Variants in ROBO2 observed in about 807,000 individuals in gnomAD.
The protein encoded by ROBO2 is roundabout homolog 2.
Under a neutral mutation model 160.8 loss-of-function variants are expected in ROBO2, and 53 were observed. The ratio of observed to expected loss-of-function variants is 0.33; its 90% CI spans 0.26 to 0.41. ROBO2 has a LOEUF of 0.41. ROBO2 is among the 10% of genes least tolerant of loss of function. The probability of loss-of-function intolerance (pLI) is 1.00; values close to 1 mark genes in which losing one functional copy is unlikely to be tolerated. For synonymous variants in ROBO2, 664 were observed against 611.7 expected (o/e 1.09, Z -1.26); for missense variants, 1,577 against 1,722.4 (o/e 0.92, Z 1.49).
intron 2 of ROBO2, among the ~76,000 whole-genome samples, chr3:76,855,822 T>C (rs910530556): frequency 1.3e-5 from 2 of 152,228 alleles, no homozygotes; most frequent in Non-Finnish European, 2.9e-5. Context: ...ATTGTAATTG[T>C]CGTATCAAAC....
At chr3:76,904,451 A>C (rs917864526) in intron 2 of ROBO2, among the ~76,000 whole-genome samples, 4 of 152,190 alleles carry the variant, frequency 2.6e-5, no homozygotes, top group African/African-American at 9.7e-5. Flanking sequence ...GAAGTATTTT[A>C]CTTTCATAAT....
rs1465511977 is a variant in ROBO2, at chr3:77,433,836, T to G, written c.389-43578T>G. Among the ~76,000 whole-genome samples, 4 of 152,148 alleles carry G rather than the reference T, an allele frequency of 2.6e-5. No homozygotes were observed. In the East Asian group the frequency reaches 7.8e-4, roughly 30 times the overall value. On this transcript the variant is annotated intron_variant, in intron 2 of 25. Transcript: ENST00000461745. Reference sequence around the variant, plus strand: ...TGAAACTTCTAAACCCAGTAATTCTTGTGTCAGTTTTGTCCCTTCCCTTTC... The same window carrying G: ...TGAAACTTCTAAACCCAGTAATTCTGGTGTCAGTTTTGTCCCTTCCCTTTC...
At chr3:76,562,506 A>G (rs1482742082) in intron 2 of ROBO2, among the ~76,000 whole-genome samples, 2 of 151,476 alleles carry the variant, frequency 1.3e-5, no homozygotes, top group East Asian at 3.9e-4. Flanking sequence ...TATCAAGATA[A>G]GCATAGTATA....
At chr3:76,823,136 T>C (rs1039985672) in intron 2 of ROBO2, among the ~76,000 whole-genome samples, 4 of 152,132 alleles carry the variant, frequency 2.6e-5, no homozygotes, top group Non-Finnish European at 5.9e-5. Flanking sequence ...GCTTAAATTT[T>C]CTCAGCTTTG....
At chr3:76,414,621 AG>A (rs1447038373) in intron 2 of ROBO2, among the ~76,000 whole-genome samples, 2 of 46,528 alleles carry the variant, frequency 4.3e-5, no homozygotes, top group Admixed American at 6.9e-4. Context: ...TGTGGTGGGG[AG>A]GGGGGAGGGG....
chr3:76,722,897 C>A (rs2093487445), intron 2 of ROBO2, among the ~76,000 whole-genome samples: 1 of 152,182 alleles, frequency 6.6e-6, no homozygotes, highest in Admixed American at 6.5e-5. Context: ...AATAAAGCTG[C>A]TATGAACATT....
At chr3:77,397,450 C>A (rs2075385502) in intron 2 of ROBO2, among the ~76,000 whole-genome samples, 1 of 152,142 alleles carries the variant, frequency 6.6e-6, no homozygotes, top group Non-Finnish European at 1.5e-5. Flanking sequence ...CCCATCATAA[C>A]ATGTGCTCTT....
chr3:76,050,706 A>G (rs1039890828), intron 2 of ROBO2, among the ~76,000 whole-genome samples: 2 of 152,096 alleles, frequency 1.3e-5, no homozygotes, highest in Admixed American at 6.6e-5. Context: ...TTCTCTCTCC[A>G]TACCTGATGG....
At chr3:77,599,266 T>C (rs1325218847) in intron 19 of ROBO2, among the ~76,000 whole-genome samples, 3 of 152,042 alleles carry the variant, frequency 2.0e-5, no homozygotes, top group African/African-American at 7.2e-5. Flanking sequence ...ATTTTAAGGA[T>C]CAAGAAACTA....
chr3:77,612,526 T>C (rs2094668364), intron 21 of ROBO2, among the ~76,000 whole-genome samples: 1 of 152,200 alleles, frequency 6.6e-6, no homozygotes, highest in African/African-American at 2.4e-5. Flanking sequence ...ATTTTTCCTC[T>C]TTTGGTACAT....
intron 1 of ROBO2, among the ~76,000 whole-genome samples, chr3:77,045,721 C>A (rs1170428052): frequency 6.6e-6 from 1 of 152,190 alleles, no homozygotes; most frequent in East Asian, 1.9e-4. Flanking sequence ...TACAATCTAA[C>A]TTTAAAATGT....
chr3:76,310,562 G>C (rs1431408541), intron 2 of ROBO2, among the ~76,000 whole-genome samples: 1 of 152,140 alleles, frequency 6.6e-6, no homozygotes, highest in Admixed American at 6.5e-5. Flanking sequence ...ACCCATTTAT[G>C]AATCATTAGT....
intron 2 of ROBO2, among the ~76,000 whole-genome samples, chr3:76,551,163 C>T (rs1341253143): frequency 6.6e-6 from 1 of 151,946 alleles, no homozygotes; most frequent in East Asian, 1.9e-4. Flanking sequence ...CCTTCTGAGC[C>T]CATGAAAACC....
At chr3:77,562,317 C>T (rs1402387826) in intron 9 of ROBO2, among the ~76,000 whole-genome samples, 2 of 151,742 alleles carry the variant, frequency 1.3e-5, no homozygotes, top group African/African-American at 4.8e-5. Context: ...TCATAAACAA[C>T]TTAGATATAG....
At chr3:77,212,789 T>G (rs1423895127) in intron 2 of ROBO2, among the ~76,000 whole-genome samples, 1 of 152,216 alleles carries the variant, frequency 6.6e-6, no homozygotes, top group Non-Finnish European at 1.5e-5. Context: ...CATGAAGTGT[T>G]GTTGAATTTT....
intron 2 of ROBO2, among the ~76,000 whole-genome samples, chr3:76,553,514 A>G (rs1009518392): frequency 3.3e-5 from 5 of 152,214 alleles, no homozygotes; most frequent in African/African-American, 1.2e-4. Flanking sequence ...ATTGGGCTCT[A>G]CTTTTTACTA....
chr3:75,925,725 T>C (rs1320496169), intron 1 of ROBO2, among the ~76,000 whole-genome samples: 1 of 152,210 alleles, frequency 6.6e-6, no homozygotes, highest in East Asian at 1.9e-4. Context: ...GCCACTTATG[T>C]GTGGGACATT....
At chr3:77,395,063 T>C (rs2075134734) in intron 2 of ROBO2, among the ~76,000 whole-genome samples, 1 of 152,254 alleles carries the variant, frequency 6.6e-6, no homozygotes, top group East Asian at 1.9e-4. Flanking sequence ...GCTATTTGAA[T>C]TTTATTTGTA....
At chr3:76,675,293 T>G in intron 2 of ROBO2, among the ~76,000 whole-genome samples, 1 of 152,278 alleles carries the variant, frequency 6.6e-6, no homozygotes, top group East Asian at 1.9e-4. Context: ...ACAAAGTCTC[T>G]AAAGCAAGCT....
Sources: allele counts gnomAD v4.1 joint callset (sites outside exome capture counted in the v4.1 genomes callset), GRCh38; gene constraint gnomAD v4.1.1; transcripts MANE v1.5; gene names NCBI Gene and HGNC (gene_info 2026-07-23, HGNC 2026-07-21).